SUPT3H: variants seen among roughly 807,000 people sequenced by gnomAD.
SUPT3H encodes the protein SPT3 homolog, SAGA and STAGA complex component.
In SUPT3H, 44 loss-of-function variants were observed where a neutral mutation model predicts 44.3. The observed-to-expected ratio is 0.99, with a 90% CI of 0.78 to 1.28. SUPT3H has a LOEUF of 1.28. SUPT3H is among the 50% of genes most tolerant of loss of function. The pLI, the probability that SUPT3H is intolerant of heterozygous loss-of-function variation, is 0.00. For missense variants in SUPT3H, 380 were observed against 387.1 expected (o/e 0.98, Z 0.15); for synonymous variants, 124 against 125.6 (o/e 0.99, Z 0.09).
intron 2 of SUPT3H, among the ~76,000 whole-genome samples, chr6:45,320,583 C>T (rs1785339761): frequency 6.6e-6 from 1 of 151,948 alleles, no homozygotes; most frequent in Non-Finnish European, 1.5e-5. Flanking sequence ...CTGGCCACAA[C>T]TTCCTGTTTT....
chr6:45,328,225 A>G, intron 2 of SUPT3H: 1 of 1,242,048 alleles, frequency 8.1e-7, no homozygotes, highest in Non-Finnish European at 1.1e-6. Context: ...TTTACTTAAG[A>G]GTACTGTGAG....
chr6:44,863,726 C>A (rs1775038153), intron 10 of SUPT3H, among the ~76,000 whole-genome samples: 1 of 151,810 alleles, frequency 6.6e-6, no homozygotes, highest in African/African-American at 2.4e-5. Flanking sequence ...CTCAAGACTG[C>A]ATAATTTACA....
chr6:45,250,678 T>C (rs1562793445), intron 2 of SUPT3H, among the ~76,000 whole-genome samples: 1 of 151,966 alleles, frequency 6.6e-6, no homozygotes, highest in Non-Finnish European at 1.5e-5. Flanking sequence ...AAGATAACTA[T>C]ATCTAGCAAA....
chr6:44,885,256 G>T (rs1778972323), intron 10 of SUPT3H, among the ~76,000 whole-genome samples: 1 of 152,192 alleles, frequency 6.6e-6, no homozygotes, highest in Non-Finnish European at 1.5e-5. Flanking sequence ...CAGCTTTGAA[G>T]AGAGCAGTGG....
intron 6 of SUPT3H, among the ~76,000 whole-genome samples, chr6:45,000,041 T>C (rs1781806602): frequency 1.3e-5 from 2 of 151,958 alleles, no homozygotes; most frequent in South Asian, 2.1e-4. Flanking sequence ...TGTATGTACA[T>C]GAATTTGCAT....
chr6:45,139,826 C>A (rs774989213), intron 2 of SUPT3H, among the ~76,000 whole-genome samples: 1 of 152,030 alleles, frequency 6.6e-6, no homozygotes, highest in Non-Finnish European at 1.5e-5. Context: ...CTTAGGGAGG[C>A]GGTCACAGGG....
At chr6:44,923,525 C>CTAT (rs1031338873) in intron 10 of SUPT3H, among the ~76,000 whole-genome samples, 11 of 152,050 alleles carry the variant, frequency 7.2e-5, no homozygotes, top group African/African-American at 2.2e-4. Context: ...CAAATATACT[C>CTAT]TGAATAAAAT....
At position 45,064,725 on chromosome 6, in the gene SUPT3H, A is replaced by C. The variant is rs1222197312; in HGVS notation, c.186+41197T>G. ...AAAGAGACAAAGAAGGCCATTACATAATGGTAAAGGGATCAATTCAACAAG... is the reference window on the plus strand; with the variant it reads ...AAAGAGACAAAGAAGGCCATTACATCATGGTAAAGGGATCAATTCAACAAG... On this transcript the variant is annotated intron_variant, in intron 3 of 10. Transcript: ENST00000371459. Among the ~76,000 whole-genome samples the C allele has an allele frequency of 8.7e-5, 12 of 138,064 alleles. No homozygotes were observed. In the East Asian group the frequency reaches 1.1e-3, roughly 12 times the overall value. 90.6% of individuals were successfully genotyped at this position (138,064 alleles called of 152,430 possible).
chr6:45,188,103 A>G (rs1814548583), intron 2 of SUPT3H, among the ~76,000 whole-genome samples: 1 of 152,218 alleles, frequency 6.6e-6, no homozygotes, highest in African/African-American at 2.4e-5. Context: ...TCTAAATTCT[A>G]TCAGATCAAC....
chr6:45,069,302 G>A (rs1175151242), intron 3 of SUPT3H, among the ~76,000 whole-genome samples: 1 of 152,160 alleles, frequency 6.6e-6, no homozygotes, highest in Non-Finnish European at 1.5e-5. Context: ...TCTGAGCAGG[G>A]AAGAGCGACA....
chr6:45,016,439 G>C (rs531024411), intron 4 of SUPT3H, among the ~76,000 whole-genome samples: 2 of 150,692 alleles, frequency 1.3e-5, no homozygotes, highest in Non-Finnish European at 3.0e-5. Flanking sequence ...CTGGTGTGCT[G>C]CACCCATTAA....
At chr6:44,893,168 T>C (rs1277571916) in intron 10 of SUPT3H, among the ~76,000 whole-genome samples, 1 of 152,198 alleles carries the variant, frequency 6.6e-6, no homozygotes, top group Non-Finnish European at 1.5e-5. Flanking sequence ...CTCATCTCAC[T>C]TCCTTCTAGT....
At chr6:45,043,833 A>G (rs1788967474) in intron 3 of SUPT3H, among the ~76,000 whole-genome samples, 1 of 152,148 alleles carries the variant, frequency 6.6e-6, no homozygotes, top group South Asian at 2.1e-4. Context: ...CATGGTAGAG[A>G]TTGAAATTCA....
intron 2 of SUPT3H, among the ~76,000 whole-genome samples, chr6:45,119,029 G>T (rs1801233641): frequency 6.6e-6 from 1 of 152,158 alleles, no homozygotes; most frequent in East Asian, 1.9e-4. Context: ...TAGATCAGCT[G>T]GCAGTCAGCT....
intron 3 of SUPT3H, among the ~76,000 whole-genome samples, chr6:45,029,402 G>GTA (rs200130596): frequency 2.3e-4 from 35 of 149,938 alleles, no homozygotes; most frequent in South Asian, 4.2e-4. Context: ...TATTGCATGT[G>GTA]TATATATATA....
intron 10 of SUPT3H, among the ~76,000 whole-genome samples, chr6:44,832,936 G>A (rs1008483928): frequency 6.6e-6 from 1 of 151,972 alleles, no homozygotes; most frequent in Non-Finnish European, 1.5e-5. Context: ...TTTTTTATGG[G>A]TTATCATAAA....
At chr6:45,027,158 T>A (rs1408881295) in intron 3 of SUPT3H, among the ~76,000 whole-genome samples, 1 of 151,778 alleles carries the variant, frequency 6.6e-6, no homozygotes, top group Non-Finnish European at 1.5e-5. Context: ...TCTGGATAAT[T>A]TCTGTATTTT....
intron 2 of SUPT3H, among the ~76,000 whole-genome samples, chr6:45,290,059 A>G (rs1290630746): frequency 6.6e-6 from 1 of 152,134 alleles, no homozygotes; most frequent in African/African-American, 2.4e-5. Context: ...ACACACCTGT[A>G]GTCCCAGCTA....
intron 2 of SUPT3H, among the ~76,000 whole-genome samples, chr6:45,248,913 C>CAA (rs61451412): frequency 6.9e-4 from 79 of 115,302 alleles, no homozygotes; most frequent in Admixed American, 1.5e-3. Flanking sequence ...GACTCCATCT[C>CAA]AAAAAAAAAA....
Sources: gnomAD v4.1 joint callset for allele counts (sites outside exome capture counted in the v4.1 genomes callset) on GRCh38, gnomAD v4.1.1 for gene constraint, MANE v1.5 for transcripts, NCBI Gene and HGNC (gene_info 2026-07-23, HGNC 2026-07-21) for gene names.